PTPN2: variants seen among roughly 807,000 people sequenced by gnomAD.
The protein encoded by PTPN2 is protein tyrosine phosphatase non-receptor type 2.
In PTPN2, 19 loss-of-function variants were observed where a neutral mutation model predicts 57.3. The ratio of observed to expected loss-of-function variants is 0.33; its 90% CI spans 0.23 to 0.49. The LOEUF is 0.49. Ranked by LOEUF, PTPN2 falls within the 20% of genes least tolerant of loss-of-function variation. PTPN2 has a pLI of 0.99. For synonymous variants in PTPN2, 153 were observed against 164.9 expected, an observed-to-expected ratio of 0.93 and a Z score of 0.55; for missense variants, 358 against 501.1, an observed-to-expected ratio of 0.71 and a Z score of 2.73.
chr18:12,833,475 G>C (rs1039597892), intron 3 of PTPN2, among the ~76,000 whole-genome samples: 1 of 152,178 alleles, frequency 6.6e-6, no homozygotes, highest in African/African-American at 2.4e-5. Flanking sequence ...AGGTCTTAGG[G>C]AGCAGGAAAG....
intron 1 of PTPN2, among the ~76,000 whole-genome samples, chr18:12,865,560 C>T (rs1407965918): frequency 1.3e-5 from 2 of 151,606 alleles, no homozygotes; most frequent in East Asian, 1.9e-4. Flanking sequence ...CTGGTCAACA[C>T]GGTGAAACCC....
At chr18:12,807,590 T>TATAC (rs1420593662) in intron 7 of PTPN2, among the ~76,000 whole-genome samples, 1 of 55,078 alleles carries the variant, frequency 1.8e-5, no homozygotes, top group Non-Finnish European at 4.4e-5. Context: ...AAAAAAAATA[T>TATAC]ATATATATAT....
At chr18:12,796,145 TCAAG>T (rs2041173420) in intron 8 of PTPN2, among the ~76,000 whole-genome samples, 2 of 152,044 alleles carry the variant, frequency 1.3e-5, no homozygotes, top group Non-Finnish European at 2.9e-5. Context: ...AATACAAATG[TCAAG>T]CAAGGAAGAA....
At chr18:12,836,914 C>T (rs2042884860) in intron 2 of PTPN2, 23 bp from the exon 3 acceptor site, 3 of 1,378,254 alleles carry the variant, frequency 2.2e-6, no homozygotes, top group Admixed American at 3.6e-5. Flanking sequence ...AATGATAAAC[C>T]ACAACTGTCA....
intron 3 of PTPN2, among the ~76,000 whole-genome samples, chr18:12,835,804 C>T (rs923668026): frequency 7.9e-5 from 12 of 152,170 alleles, no homozygotes; most frequent in Non-Finnish European, 7.3e-5. Flanking sequence ...GGCCCATTCC[C>T]TGGTTACTGA....
intron 1 of PTPN2, among the ~76,000 whole-genome samples, chr18:12,877,956 G>C (rs1172643509): frequency 6.6e-6 from 1 of 152,074 alleles, no homozygotes; most frequent in Non-Finnish European, 1.5e-5. Flanking sequence ...CGTGAACCTG[G>C]GAGGCAGAGC....
At chr18:12,875,117 G>T (rs183417808) in intron 1 of PTPN2, among the ~76,000 whole-genome samples, 1 of 152,028 alleles carries the variant, frequency 6.6e-6, no homozygotes, top group Non-Finnish European at 1.5e-5. Context: ...CAGCATGCTC[G>T]TTAACAGTCA....
At chr18:12,808,026 T>C (rs953473158) in intron 7 of PTPN2, among the ~76,000 whole-genome samples, 18 of 151,916 alleles carry the variant, frequency 1.2e-4, no homozygotes, top group Admixed American at 2.6e-4. Flanking sequence ...TCTACAAAAA[T>C]TTAAAAATTA....
downstream of PTPN2, among the ~76,000 whole-genome samples, chr18:12,791,315 A>AT (rs910972165): frequency 7.9e-5 from 12 of 152,110 alleles, no homozygotes; most frequent in South Asian, 2.1e-4. Context: ...TAAAAGAAAC[A>AT]TTTTTTTTAT....
intron 1 of PTPN2, among the ~76,000 whole-genome samples, chr18:12,861,600 T>C (rs1438072674): frequency 2.0e-5 from 3 of 152,262 alleles, no homozygotes; most frequent in Non-Finnish European, 4.4e-5. Context: ...TTAGCATAAA[T>C]GTATAATAAA....
At chr18:12,813,820 CATAA>C (rs1157383058) in intron 7 of PTPN2, among the ~76,000 whole-genome samples, 1 of 152,176 alleles carries the variant, frequency 6.6e-6, no homozygotes, top group East Asian at 1.9e-4. Flanking sequence ...TTATATCTGC[CATAA>C]ATATTCAAGT....
Position 12,879,799 on chromosome 18 carries a change from TCA to T in PTPN2, c.69+4272_69+4273del, listed in dbSNP as rs769568864. 2.4e-4 allele frequency among the ~76,000 whole-genome samples: 37 copies of T among 152,250 alleles called. 1 individual carries two copies. The highest frequency in any genetic ancestry group is 7.3e-5 in the Non-Finnish European group (5 of 68,044). ...AAGCAAGTCCAGCTTTTAGTTGTAC[TCA>T]GTTTTTGCTCAAGAGCAAAGCCTTT... is the stretch of plus-strand genomic sequence containing the variant. On this transcript the variant is annotated intron_variant, in intron 1 of 8. Coordinates refer to ENST00000309660, the MANE Select transcript of PTPN2 (RefSeq NM_002828.4).
intron 1 of PTPN2, among the ~76,000 whole-genome samples, chr18:12,860,375 G>A (rs1177461060): frequency 6.6e-6 from 1 of 151,758 alleles, no homozygotes; most frequent in Non-Finnish European, 1.5e-5. Flanking sequence ...GAGGTGGGTG[G>A]ATCACGAGGT....
At chr18:12,817,091 G>A (rs930959312) in intron 6 of PTPN2, 65 bp downstream of exon 6, 1 of 1,429,036 alleles carries the variant, frequency 7.0e-7, no homozygotes, top group Middle Eastern at 1.8e-4. Context: ...TTTATTCACT[G>A]CCAGTGGAAG....
At chr18:12,804,642 G>A (rs766746731) in intron 7 of PTPN2, among the ~76,000 whole-genome samples, 71 of 152,144 alleles carry the variant, frequency 4.7e-4, no homozygotes, top group Middle Eastern at 3.4e-3. Context: ...TAGAGGAAAT[G>A]GCTAAATTCT....
intron 2 of PTPN2, among the ~76,000 whole-genome samples, 182 bp downstream of exon 2, chr18:12,858,982 A>T (rs1044622130): frequency 2.0e-5 from 3 of 152,228 alleles, no homozygotes; most frequent in Non-Finnish European, 4.4e-5. Flanking sequence ...TGAAATAATT[A>T]TGGGTAATTA....
At chr18:12,860,913 CA>C (rs879811212) in intron 1 of PTPN2, among the ~76,000 whole-genome samples, 3 of 149,756 alleles carry the variant, frequency 2.0e-5, no homozygotes, top group South Asian at 2.1e-4. Flanking sequence ...TAACAGAAAC[CA>C]AAAAAAAAGC....
chr18:12,814,602 A>G (rs1262953775), intron 6 of PTPN2, among the ~76,000 whole-genome samples: 1 of 152,160 alleles, frequency 6.6e-6, no homozygotes, highest in African/African-American at 2.4e-5. Context: ...CTGATTCCAA[A>G]CCAATCATAG....
rs1447116596 is a variant in PTPN2 at position 12,884,169 on chromosome 18, G to A, written c.-28C>T. The A allele has an allele frequency of 1.9e-6, 3 of 1,559,160 alleles. No individual in the cohort carries two copies. The highest frequency in any genetic ancestry group is 2.4e-5 in the South Asian group (2 of 85,052). ...CTGCGGGAGCGAGCTGGCGCGAGCA[G>A]AGCCTGCGCCGGCGGAGAGGCTCAG... On this transcript the variant is annotated 5_prime_UTR_variant, in exon 1 of 9. Coordinates refer to ENST00000309660, the MANE Select transcript of PTPN2 (RefSeq NM_002828.4).
Sources: gnomAD v4.1 joint callset for allele counts (sites outside exome capture counted in the v4.1 genomes callset) on GRCh38, gnomAD v4.1.1 for gene constraint, MANE v1.5 for transcripts, NCBI Gene and HGNC (gene_info 2026-07-23, HGNC 2026-07-21) for gene names.